KALRN: variants seen among roughly 807,000 people sequenced by gnomAD.
The protein encoded by KALRN is kalirin RhoGEF kinase, also known as kalirin.
Under a neutral mutation model 353.7 loss-of-function variants are expected in KALRN, and 70 were observed. The ratio of observed to expected loss-of-function variants is 0.20; its 90% CI spans 0.16 to 0.24. The LOEUF is 0.24. Ranked by LOEUF, KALRN falls within the 10% of genes least tolerant of loss-of-function variation. KALRN has a pLI of 1.00. For missense variants in KALRN, 2,791 were observed against 3,756.7 expected, an observed-to-expected ratio of 0.74 and a Z score of 6.72; for synonymous variants, 1,391 against 1,434.8, an observed-to-expected ratio of 0.97 and a Z score of 0.69.
chr3:124,683,626 T>C (rs2061434835), intron 51 of KALRN, among the ~76,000 whole-genome samples: 1 of 152,212 alleles, frequency 6.6e-6, no homozygotes, highest in South Asian at 2.1e-4. Flanking sequence ...GAAAGTCAGT[T>C]CATCAGAGTG....
intron 1 of KALRN, among the ~76,000 whole-genome samples, chr3:124,209,450 C>T (rs1212044261): frequency 1.5e-5 from 2 of 135,914 alleles, no homozygotes; most frequent in Non-Finnish European, 3.1e-5. Flanking sequence ...GATCTCGCCA[C>T]TGCACTCTAG....
intron 51 of KALRN, among the ~76,000 whole-genome samples, chr3:124,686,507 G>C (rs1032612194): frequency 1.3e-5 from 2 of 152,184 alleles, no homozygotes; most frequent in African/African-American, 4.8e-5. Flanking sequence ...CTTAGAGAAG[G>C]CAGAGGGTGA....
chr3:124,661,006 T>G, intron 44 of KALRN, 33 bp downstream of exon 44: 1 of 1,488,064 alleles, frequency 6.7e-7, no homozygotes. Context: ...TTGCTGTTCT[T>G]AGGGACCATA....
chr3:124,149,040 A>G (rs1039084253), intron 1 of KALRN, among the ~76,000 whole-genome samples: 2 of 152,180 alleles, frequency 1.3e-5, no homozygotes, highest in Non-Finnish European at 2.9e-5. Context: ...TTTTATGACT[A>G]AAAAAACTGA....
At chr3:124,475,348 G>A (rs2061341895) in intron 26 of KALRN, among the ~76,000 whole-genome samples, 2 of 152,200 alleles carry the variant, frequency 1.3e-5, no homozygotes, top group Admixed American at 1.3e-4. Context: ...CATGGGCCAA[G>A]TAAAGGGGCT....
chr3:124,202,804 C>G (rs2076076768), intron 1 of KALRN, among the ~76,000 whole-genome samples: 1 of 152,158 alleles, frequency 6.6e-6, no homozygotes, highest in South Asian at 2.1e-4. Context: ...CTGGAGAGTA[C>G]AAAATGTGAT....
chr3:124,165,769 A>G (rs923845860), intron 1 of KALRN, among the ~76,000 whole-genome samples: 1 of 152,190 alleles, frequency 6.6e-6, no homozygotes, highest in Non-Finnish European at 1.5e-5. Context: ...ACATTGGATC[A>G]TGTCTCTTGG....
intron 1 of KALRN, among the ~76,000 whole-genome samples, chr3:124,037,994 G>A (rs914927124): frequency 6.6e-6 from 1 of 152,198 alleles, no homozygotes; most frequent in Non-Finnish European, 1.5e-5. Context: ...CAAGACAGGA[G>A]CATGGGCTGG....
chr3:124,312,878 C>A (rs1021331553), intron 6 of KALRN, among the ~76,000 whole-genome samples: 2 of 152,068 alleles, frequency 1.3e-5, no homozygotes, highest in African/African-American at 4.8e-5. Context: ...TTATTCACAG[C>A]TGTATCTGCA....
intron 58 of KALRN, among the ~76,000 whole-genome samples, chr3:124,714,206 A>G (rs760416624): frequency 3.3e-5 from 5 of 152,342 alleles, no homozygotes; most frequent in Non-Finnish European, 5.9e-5. Context: ...AGTCTCTTTC[A>G]GAGCCTGATC....
intron 25 of KALRN, 100 bp from the exon 26 acceptor site, chr3:124,474,563 A>T: frequency 2.3e-6 from 2 of 882,692 alleles, no homozygotes; most frequent in Non-Finnish European, 3.8e-6. Context: ...GAAGCCATGT[A>T]TAAATAATTG....
chr3:124,158,704 T>C (rs983118285), intron 1 of KALRN, among the ~76,000 whole-genome samples: 1 of 152,186 alleles, frequency 6.6e-6, no homozygotes, highest in Non-Finnish European at 1.5e-5. Context: ...CCAAGCCATG[T>C]CAGGATGGCT....
intron 34 of KALRN, among the ~76,000 whole-genome samples, chr3:124,619,573 G>C (rs997736253): frequency 7.7e-6 from 1 of 130,074 alleles, no homozygotes; most frequent in South Asian, 2.7e-4. Context: ...CTGCAACCCC[G>C]CCTCCCAGGC....
intron 18 of KALRN, among the ~76,000 whole-genome samples, chr3:124,441,301 G>A (rs1024471600): frequency 2.0e-5 from 3 of 152,216 alleles, no homozygotes; most frequent in East Asian, 1.9e-4. Flanking sequence ...TAGGCTGAGA[G>A]TGAATGTTAG....
At chr3:124,308,931 A>T (rs2077974033) in intron 6 of KALRN, among the ~76,000 whole-genome samples, 1 of 152,086 alleles carries the variant, frequency 6.6e-6, no homozygotes. Flanking sequence ...ACAACCAATG[A>T]AAAAAATTAC....
intron 33 of KALRN, among the ~76,000 whole-genome samples, chr3:124,513,369 C>T (rs2066163297): frequency 6.6e-6 from 1 of 152,130 alleles, no homozygotes; most frequent in African/African-American, 2.4e-5. Flanking sequence ...TGTTTACTTT[C>T]TGTGATTCCA....
At chr3:124,545,307 C>G (rs79204836) in intron 33 of KALRN, among the ~76,000 whole-genome samples, 1 of 152,144 alleles carries the variant, frequency 6.6e-6, no homozygotes, top group South Asian at 2.1e-4. Context: ...CCTTTGCTGG[C>G]GAGCCTGAGG....
intron 34 of KALRN, among the ~76,000 whole-genome samples, chr3:124,604,709 C>G (rs1230570405): frequency 6.6e-6 from 1 of 151,988 alleles, no homozygotes; most frequent in Admixed American, 6.6e-5. Context: ...ATTTTAGAGA[C>G]AGGGTCTCAC....
intron 34 of KALRN, among the ~76,000 whole-genome samples, chr3:124,565,171 C>T (rs1012422864): frequency 6.6e-6 from 1 of 152,222 alleles, no homozygotes; most frequent in Non-Finnish European, 1.5e-5. Flanking sequence ...ATCCAGCCTT[C>T]CAGGGTTTTT....
Sources: allele counts gnomAD v4.1 joint callset (sites outside exome capture counted in the v4.1 genomes callset), GRCh38; gene constraint gnomAD v4.1.1; transcripts MANE v1.5; gene names NCBI Gene and HGNC (gene_info 2026-07-23, HGNC 2026-07-21).